Variants in ATP1A2 observed in about 807,000 individuals in gnomAD.
The protein encoded by ATP1A2 is ATPase Na+/K+ transporting subunit alpha 2.
ATP1A2 carries 56 observed loss-of-function variants against 113.1 expected under a neutral mutation model. That is an observed-to-expected ratio of 0.49 (90% CI 0.40 to 0.62). The LOEUF (loss-of-function observed/expected upper bound fraction) is 0.62, where lower values mean the gene tolerates loss of function less well. Among genes scored for constraint, ATP1A2 ranks in the 20% least tolerant of loss-of-function variants. The probability of loss-of-function intolerance (pLI) is 0.00; values close to 1 mark genes in which losing one functional copy is unlikely to be tolerated. For synonymous variants in ATP1A2, 490 were observed against 526.8 expected (o/e 0.93, Z 0.96); for missense variants, 712 against 1,357.8 (o/e 0.52, Z 7.47).
intron 22 of ATP1A2, among the ~76,000 whole-genome samples, chr1:160,140,401 G>A (rs1326078398): frequency 2.0e-5 from 3 of 152,112 alleles, no homozygotes; most frequent in Non-Finnish European, 4.4e-5. Flanking sequence ...CAACCGACAA[G>A]TTATTGTTTT....
intron 13 of ATP1A2, among the ~76,000 whole-genome samples, chr1:160,133,586 A>G (rs1342683646): frequency 6.6e-6 from 1 of 152,158 alleles, no homozygotes. Flanking sequence ...TCAGAGGCAG[A>G]TGCTCAAGGT....
In ATP1A2 at chr1:160,129,009, T is replaced by C; in HGVS notation, c.1246T>C (p.Trp416Arg). Residue 416 changes from tryptophan to arginine, a missense_variant, in exon 10 of 23, where the codon TGG (tryptophan) becomes CGG (arginine). Around this residue, in one of 6 missense-constraint regions of ATP1A2, gnomAD observed 263 missense variants for 380.6 expected, o/e 0.69. Transcript: ENST00000361216. ...CACTTTTGACAAACGATCCCCTACG[T>C]GGACGGCCCTGTCTCGAATTGCTGG... ...GATFDKRSPTWTALSRIAGLC... is the reference protein window; with the variant it reads ...GATFDKRSPTRTALSRIAGLC... The C allele has an allele frequency of 1.9e-6, 3 of 1,609,688 alleles. No individual in the cohort carries two copies. The highest frequency in any genetic ancestry group is 2.5e-6 in the Non-Finnish European group (3 of 1,177,626).
rs1651916365 is a variant in ATP1A2, at chr1:160,135,706, C to A, written c.2284+104C>A. ...TGAAGAATCATTCCACAACTCTAGGCAGCCCAGCCCACTTTAGCTTCCCTT... is the reference window on the plus strand; with the variant it reads ...TGAAGAATCATTCCACAACTCTAGGAAGCCCAGCCCACTTTAGCTTCCCTT... On this transcript the variant is annotated intron_variant, in intron 16 of 22. Transcript: ENST00000361216. This position sits in a 1 kb window ranked among gnomAD's most constrained non-coding sequence, Gnocchi z 6.3. The A allele has an allele frequency of 6.2e-7, 1 of 1,609,388 alleles. No homozygotes were observed.
intron 20 of ATP1A2, among the ~76,000 whole-genome samples, chr1:160,138,944 G>A (rs1163906945): frequency 6.6e-6 from 1 of 152,080 alleles, no homozygotes; most frequent in African/African-American, 2.4e-5. Context: ...AATTTTCCCA[G>A]CAACCCTATG....
intron 1 of ATP1A2, 118 bp downstream of exon 1, chr1:160,115,991 G>A: frequency 6.8e-7 from 1 of 1,480,426 alleles, no homozygotes; most frequent in South Asian, 1.2e-5. Flanking sequence ...TGGGATACTT[G>A]GAACTTGAAA....
chr1:160,125,423 G>C (rs1210192922), intron 7 of ATP1A2, 170 bp downstream of exon 7: 1 of 651,944 alleles, frequency 1.5e-6, no homozygotes. Context: ...GCAGGGTATT[G>C]ACTGAGGGCA....
chr1:160,123,138 G>A lies in ATP1A2; in HGVS notation c.178-75G>A. 3 of 1,536,518 alleles carry A rather than the reference G, an allele frequency of 2.0e-6. 1 individual carries two copies. Among genetic ancestry groups the A allele is most frequent in the Non-Finnish European group, 2.7e-6 (3 of 1,116,258 alleles). On this transcript the variant is annotated intron_variant, in intron 3 of 22. Transcript: ENST00000361216. Reference sequence around the variant, plus strand: ...CTGGGCATTCTTCCCATGCCCGGGAGCTGAAGGGATGGGCATGGTGACTGG... The same window carrying A: ...CTGGGCATTCTTCCCATGCCCGGGAACTGAAGGGATGGGCATGGTGACTGG...
Position 160,139,662 on chromosome 1 carries a change from C to A in ATP1A2, c.2863C>A (p.Leu955Ile). ...GMKNKILIFG[L>I]LEETALAAFL... ...CAGGAACAAGATCCTGATTTTTGGG[C>A]TCCTGGAGGAGACGGCGTTGGCTGC... is the stretch of plus-strand genomic sequence containing the variant. Residue 955 changes from leucine (L) to isoleucine (I), a missense_variant, in exon 21 of 23, where the codon CTC becomes ATC. Leu to Ile is a conservative substitution (Grantham distance 5, BLOSUM62 2). Around this residue, in one of 6 missense-constraint regions of ATP1A2, gnomAD observed 188 missense variants for 438.9 expected, o/e 0.43. Coordinates refer to ENST00000361216, the MANE Select transcript of ATP1A2 (RefSeq NM_000702.4). The A allele has an allele frequency of 6.2e-7, 1 of 1,614,198 alleles. No individual in the cohort carries two copies. Among genetic ancestry groups the A allele is most frequent in the Non-Finnish European group, 8.5e-7 (1 of 1,180,028 alleles).
intron 1 of ATP1A2, among the ~76,000 whole-genome samples, chr1:160,116,421 G>A (rs1178621281): frequency 6.6e-6 from 1 of 151,770 alleles, no homozygotes; most frequent in African/African-American, 2.4e-5. Flanking sequence ...GGCGGGGTGT[G>A]GGGAGGAAGA....
rs56281131 is a variant in ATP1A2 at position 160,124,905 on chromosome 1, T to G, written c.631-231T>G. Among the ~76,000 whole-genome samples, 2,525 of 152,246 alleles carry G rather than the reference T, an allele frequency of 0.017. 35 individuals are homozygous for G. Among genetic ancestry groups the G allele is most frequent in the Non-Finnish European group, 0.028 (1,876 of 67,996 alleles). On this transcript the variant is annotated intron_variant, in intron 6 of 22. Transcript: ENST00000361216. ...ATTTTACAGTTGAGTACATGGAGGC[T>G]CTCTTGGTTAAGCAAGTAACCCGAG... is the stretch of plus-strand genomic sequence containing the variant.
At chr1:160,120,474 A>G (rs1651357399) in intron 1 of ATP1A2, among the ~76,000 whole-genome samples, 1 of 152,124 alleles carries the variant, frequency 6.6e-6, no homozygotes, top group Non-Finnish European at 1.5e-5. Context: ...GTGTTGGGCT[A>G]AGACATTCCT....
rs769008226 is a variant in ATP1A2 at position 160,130,518 on chromosome 1, T to TG, written c.1752dup (p.Leu585AlafsTer6). The TG allele has an allele frequency of 2.5e-6, 4 of 1,614,244 alleles. No homozygotes were observed. The South Asian group carries it at 4.4e-5, about 18-fold the overall frequency. ...TTTCCCACGGAGAAGCTTTGCTTTG[T>TG]GGGGCTCATGTCTATGATTGACCCT... On this transcript the variant is annotated frameshift_variant, in exon 13 of 23. Coordinates refer to ENST00000361216, the MANE Select transcript of ATP1A2 (RefSeq NM_000702.4). LOFTEE classifies it high-confidence loss of function.
chr1:160,129,815 G>A (rs957615403), intron 11 of ATP1A2, among the ~76,000 whole-genome samples: 4 of 152,138 alleles, frequency 2.6e-5, no homozygotes, highest in Non-Finnish European at 5.9e-5. Context: ...AGGTGGTGGT[G>A]GGGATGCTGA....
chr1:160,141,324 C>A lies in ATP1A2; in HGVS notation c.*2C>A. 1 of 1,614,006 alleles carries A rather than the reference C, an allele frequency of 6.2e-7. No homozygotes were observed. The highest frequency in any genetic ancestry group is 8.5e-7 in the Non-Finnish European group (1 of 1,179,952). ...GTGGAGAAGGAGACATACTACTGAC[C>A]CCATTGGAAGAAGAACCAGGCATGG... On this transcript the variant is annotated 3_prime_UTR_variant, in exon 23 of 23. Coordinates refer to ENST00000361216, the MANE Select transcript of ATP1A2 (RefSeq NM_000702.4).
At chr1:160,128,011 T>C (rs1407703038) in intron 8 of ATP1A2, among the ~76,000 whole-genome samples, 191 bp downstream of exon 8, 1 of 152,206 alleles carries the variant, frequency 6.6e-6, no homozygotes, top group Non-Finnish European at 1.5e-5. Flanking sequence ...GGGCTATTCT[T>C]AGGCACTCAG....
rs369898494 is a variant in ATP1A2, at chr1:160,127,617, G to A, written c.814G>A (p.Ala272Thr). ...GGTGATGGGCCGCATAGCTACTCTC[G>A]CCTCAGGCCTGGAGGTTGGGCGGAC... Reference protein sequence around the residue: ...RTVMGRIATLASGLEVGRTPI... With the variant: ...RTVMGRIATLTSGLEVGRTPI... The change falls in exon 8 of 23, where the codon GCC (alanine) becomes ACC (threonine). Residue 272 changes from alanine (A) to threonine (T), a missense_variant. Ala to Thr is a moderately conservative substitution (Grantham distance 58). This residue lies in a region of ATP1A2 where 99 missense variants were observed against 180.4 expected (regional missense o/e 0.55). Transcript: ENST00000361216. 42 of 1,614,110 alleles carry A rather than the reference G, an allele frequency of 2.6e-5. No individual in the cohort carries two copies. The highest frequency in any genetic ancestry group is 4.0e-5 in the African/African-American group (3 of 74,936).
At position 160,127,440 on chromosome 1, in the gene ATP1A2, T is replaced by A. The variant is rs753613551; in HGVS notation, c.749-112T>A. On this transcript the variant is annotated intron_variant, in intron 7 of 22. Transcript: ENST00000361216. ...ACCTACTGAATGTGGCCTCCAGATC[T>A]GCGGCTTTGGCTCACCTATCCTGTG... 6 of 1,500,032 alleles carry A rather than the reference T, an allele frequency of 4.0e-6. No homozygotes were observed. In the East Asian group the frequency reaches 1.4e-4, roughly 35 times the overall value. The allele number at this position is 1,500,032 out of a possible 1,614,324, so 92.9% of individuals were successfully genotyped here.
Position 160,123,289 on chromosome 1 carries a change from C to T in ATP1A2, c.254C>T (p.Pro85Leu), listed in dbSNP as rs1300541222. The T allele has an allele frequency of 3.1e-6, 5 of 1,614,268 alleles. No individual in the cohort carries two copies. The highest frequency in any genetic ancestry group is 3.4e-6 in the Non-Finnish European group (4 of 1,180,050). ...PNALTPPPTTPEWVKFCRQLF... is the reference protein window; with the variant it reads ...PNALTPPPTTLEWVKFCRQLF... ...GCCCTCACACCACCTCCCACAACCC[C>T]TGAGTGGGTCAAGTTCTGCCGTCAG... The change falls in exon 4 of 23, where the codon CCT (proline) becomes CTT (leucine). Residue 85 changes from proline to leucine, a missense_variant. Physicochemically the swap from Pro to Leu is moderately conservative, Grantham distance 98. This residue lies in a region of ATP1A2 where 109 missense variants were observed against 162.3 expected (regional missense o/e 0.67). Transcript: ENST00000361216.
chr1:160,128,566 G>A (rs753754996), intron 8 of ATP1A2, 86 bp from the exon 9 acceptor site: 2 of 1,596,354 alleles, frequency 1.3e-6, no homozygotes, highest in South Asian at 2.2e-5. Context: ...ATCAGGGGAG[G>A]AGGAATGGAG....
Sources: allele counts gnomAD v4.1 joint callset (sites outside exome capture counted in the v4.1 genomes callset), GRCh38; gene constraint gnomAD v4.1.1; regional missense constraint gnomAD v4.1.1; non-coding constraint Gnocchi (gnomAD v3.1); transcripts MANE v1.5; gene names NCBI Gene and HGNC (gene_info 2026-07-23, HGNC 2026-07-21).